Variants in DAB2IP observed in about 807,000 individuals in gnomAD.
DAB2IP encodes the protein DAB2 interacting protein.
DAB2IP carries 28 observed loss-of-function variants against 107.2 expected under a neutral mutation model. The observed-to-expected ratio is 0.26, with a 90% CI of 0.19 to 0.36. The LOEUF is 0.36. Ranked by LOEUF, DAB2IP falls within the 10% of genes least tolerant of loss-of-function variation. The pLI, the probability that DAB2IP is intolerant of heterozygous loss-of-function variation, is 1.00. For synonymous variants in DAB2IP, 755 were observed against 706.4 expected (o/e 1.07, Z -1.09); for missense variants, 1,400 against 1,644.7 (o/e 0.85, Z 2.57).
intron 2 of DAB2IP, among the ~76,000 whole-genome samples, chr9:121,681,233 G>C (rs1208872405): frequency 6.6e-6 from 1 of 152,144 alleles, no homozygotes; most frequent in Non-Finnish European, 1.5e-5. Flanking sequence ...CCCATCCTCA[G>C]GCTAGGAGGC....
At chr9:121,637,337 G>C (rs1345422322) in intron 1 of DAB2IP, among the ~76,000 whole-genome samples, 1 of 152,232 alleles carries the variant, frequency 6.6e-6, no homozygotes, top group Non-Finnish European at 1.5e-5. Flanking sequence ...CCCGTGGAGT[G>C]GGCAGGGCTG....
chr9:121,651,697 C>CCCG lies in DAB2IP; in HGVS notation c.-75_-73dup. 1 of 1,138,014 alleles carries CCCG rather than the reference C, an allele frequency of 8.8e-7. No homozygotes were observed. Among genetic ancestry groups the CCCG allele is most frequent in the African/African-American group, 1.6e-5 (1 of 61,110 alleles). 70.5% of individuals were successfully genotyped at this position (1,138,014 alleles called of 1,614,324 possible). On this transcript the variant is annotated 5_prime_UTR_variant, in exon 1 of 16. Coordinates refer to ENST00000408936, the Ensembl canonical transcript of DAB2IP. The surrounding 1 kb of genome is among the most constrained non-coding windows in gnomAD (Gnocchi z 5.1). The stretch of plus-strand genomic sequence containing the variant: ...GCGAGCGCGGGAGAACGCGTGGGCG[C>CCCG]CCGCCGGGCTGTCCGGAGCGGCCGA...
chr9:121,774,971 A>G (rs1023919440), intron 13 of DAB2IP, among the ~76,000 whole-genome samples: 5 of 152,086 alleles, frequency 3.3e-5, no homozygotes, highest in African/African-American at 4.8e-5. Context: ...TGCCATTGAG[A>G]TGTTTTCTTC....
intron 1 of DAB2IP, among the ~76,000 whole-genome samples, chr9:121,624,374 T>C (rs1288338494): frequency 6.6e-6 from 1 of 152,188 alleles, no homozygotes; most frequent in Non-Finnish European, 1.5e-5. Flanking sequence ...ATTGCTGAAA[T>C]AGCCTACGGC....
chr9:121,609,747 G>C (rs1276721236), intron 1 of DAB2IP, among the ~76,000 whole-genome samples: 1 of 152,214 alleles, frequency 6.6e-6, no homozygotes, highest in Non-Finnish European at 1.5e-5. Context: ...ACAAGTTCCT[G>C]GCAGAGCTGG....
At chr9:121,604,165 C>T (rs144406254) in intron 1 of DAB2IP, among the ~76,000 whole-genome samples, 35 of 152,310 alleles carry the variant, frequency 2.3e-4, no homozygotes, top group Admixed American at 1.8e-3. Flanking sequence ...ACTGCAGGCC[C>T]TCTCAGCCCT....
At chr9:121,727,299 G>A (rs972203764) in intron 3 of DAB2IP, among the ~76,000 whole-genome samples, 1 of 152,256 alleles carries the variant, frequency 6.6e-6, no homozygotes, top group African/African-American at 2.4e-5. Context: ...TCTAGCAGGT[G>A]ACTTGCTCTG....
At chr9:121,663,213 G>A (rs934393382) in intron 1 of DAB2IP, among the ~76,000 whole-genome samples, 2 of 152,126 alleles carry the variant, frequency 1.3e-5, no homozygotes, top group African/African-American at 2.4e-5. Context: ...GGACAAGGTC[G>A]ACAGATGCTG....
At chr9:121,591,670 T>G (rs73544273) in intron 1 of DAB2IP, among the ~76,000 whole-genome samples, 4,174 of 152,290 alleles carry the variant, frequency 0.027, 211 homozygotes, top group African/African-American at 0.095. Flanking sequence ...GGTGGATGCA[T>G]GGAACAAGTT....
At chr9:121,693,750 T>C (rs1312008098) in intron 2 of DAB2IP, among the ~76,000 whole-genome samples, 2 of 151,956 alleles carry the variant, frequency 1.3e-5, no homozygotes, top group Non-Finnish European at 2.9e-5. Flanking sequence ...GGGGAGAGGG[T>C]GATGAAGACA....
intron 1 of DAB2IP, among the ~76,000 whole-genome samples, chr9:121,596,269 T>C (rs1191301617): frequency 2.6e-5 from 4 of 152,162 alleles, no homozygotes; most frequent in Non-Finnish European, 5.9e-5. Flanking sequence ...AGACAGAGGT[T>C]GCGGTGAACT....
At chr9:121,719,538 G>A (rs569380787) in intron 3 of DAB2IP, among the ~76,000 whole-genome samples, 1 of 152,192 alleles carries the variant, frequency 6.6e-6, no homozygotes, top group Non-Finnish European at 1.5e-5. Context: ...CATCGGGAGA[G>A]TGAGAAATCA....
At chr9:121,646,461 C>A (rs1022497342) in intron 1 of DAB2IP, among the ~76,000 whole-genome samples, 1 of 151,988 alleles carries the variant, frequency 6.6e-6, no homozygotes, top group Non-Finnish European at 1.5e-5. Context: ...GGGGCAGAGG[C>A]CATGACCTTA....
At chr9:121,754,580 A>G (rs551761200) in intron 3 of DAB2IP, among the ~76,000 whole-genome samples, 8 of 152,288 alleles carry the variant, frequency 5.3e-5, no homozygotes, top group Admixed American at 3.9e-4. Flanking sequence ...GGGCCAGTCC[A>G]AGGTGTCTTA....
intron 2 of DAB2IP, among the ~76,000 whole-genome samples, chr9:121,682,509 G>A (rs1338613796): frequency 6.6e-6 from 1 of 152,164 alleles, no homozygotes; most frequent in East Asian, 1.9e-4. Context: ...AGCCTGGGTT[G>A]TTTACACCAT....
intron 2 of DAB2IP, among the ~76,000 whole-genome samples, chr9:121,695,191 G>A (rs1289322231): frequency 2.0e-5 from 3 of 152,278 alleles, no homozygotes; most frequent in Middle Eastern, 3.4e-3. Flanking sequence ...ATGACATTCT[G>A]CGGCTCCAGA....
At position 121,590,917 on chromosome 9, in the gene DAB2IP, C is replaced by T. The variant is rs536299873; in HGVS notation, c.40+23689C>T. On this transcript the variant is annotated intron_variant, in intron 1 of 16. Coordinates refer to the DAB2IP transcript ENST00000259371. ...GATCACACATTGAAGATGCCATCAC[C>T]AACTGCAACGGACACCATAAAGGAA... Among the ~76,000 whole-genome samples the T allele has an allele frequency of 2.2e-4, 33 of 152,268 alleles. 1 individual carries two copies. The highest frequency in any genetic ancestry group is 7.9e-4 in the African/African-American group (33 of 41,574).
At chr9:121,762,453 TC>T (rs1833965438) in intron 6 of DAB2IP, among the ~76,000 whole-genome samples, 1 of 151,924 alleles carries the variant, frequency 6.6e-6, no homozygotes, top group Non-Finnish European at 1.5e-5. Flanking sequence ...CAGGAAGGGG[TC>T]CTCAGGCCAC....
intron 1 of DAB2IP, among the ~76,000 whole-genome samples, chr9:121,604,287 C>A (rs115936501): frequency 6.6e-6 from 1 of 152,194 alleles, no homozygotes; most frequent in Non-Finnish European, 1.5e-5. Context: ...CTGACCTGAA[C>A]GGTTCTAACC....
Sources: gnomAD v4.1 joint callset for allele counts (sites outside exome capture counted in the v4.1 genomes callset) on GRCh38, gnomAD v4.1.1 for gene constraint, Gnocchi (gnomAD v3.1) non-coding constraint, MANE v1.5 for transcripts, NCBI Gene and HGNC (gene_info 2026-07-23, HGNC 2026-07-21) for gene names.